Variants in DNAJB9 observed in about 807,000 individuals in gnomAD.
The protein encoded by DNAJB9 is dnaJ homolog subfamily B member 9.
In DNAJB9, 12 loss-of-function variants were observed where a neutral mutation model predicts 19.2. The observed-to-expected ratio is 0.62, with a 90% CI of 0.40 to 1.01. The LOEUF (loss-of-function observed/expected upper bound fraction) is 1.01. Ranked by LOEUF, DNAJB9 falls within the 50% of genes least tolerant of loss-of-function variation. The pLI is 0.00. For missense variants in DNAJB9, 272 were observed against 261.1 expected (o/e 1.04, Z -0.29); for synonymous variants, 83 against 84.0 (o/e 0.99, Z 0.07).
rs1469574415 is a variant in DNAJB9, at chr7:108,571,828, A to C, written c.102A>C (p.Pro34=). 1 of 1,614,096 alleles carries C rather than the reference A, an allele frequency of 6.2e-7. No homozygotes were observed. The highest frequency in any genetic ancestry group is 2.2e-5 in the East Asian group (1 of 44,898). Residue 34 remains proline, a synonymous_variant, in exon 2 of 3, where the codon CCA becomes CCC. Transcript: ENST00000249356. ...SKSYYDILGV[P]KSASERQIKK... The stretch of plus-strand genomic sequence containing the variant: ...GCTACTATGATATCTTAGGTGTGCC[A>C]AAATCGGCATCAGAGCGCCAAATCA...
chr7:108,571,160 T>G (rs554226454), intron 1 of DNAJB9, among the ~76,000 whole-genome samples: 1 of 152,298 alleles, frequency 6.6e-6, no homozygotes, highest in South Asian at 2.1e-4. Flanking sequence ...TTGTCAGTAT[T>G]AGTATTGTGA....
At chr7:108,572,133 G>A in intron 2 of DNAJB9, 190 bp downstream of exon 2, 1 of 519,996 alleles carries the variant, frequency 1.9e-6, no homozygotes, top group Non-Finnish European at 3.4e-6. Flanking sequence ...ATATATGAAA[G>A]AATAATAGAT....
Position 108,573,069 on chromosome 7 carries a change from A to G in DNAJB9, c.388A>G (p.Asn130Asp). Residue 130 changes from asparagine to aspartate, a missense_variant, in exon 3 of 3, where the codon AAC becomes GAC. Transcript: ENST00000249356. ...CTTTGGCTTTTTTGGTCAAAACCAAAACACTGGATCCAAGAAGCGTTTTGA... is the reference window on the plus strand; with the variant it reads ...CTTTGGCTTTTTTGGTCAAAACCAAGACACTGGATCCAAGAAGCGTTTTGA... Reference protein sequence around the residue: ...KDFGFFGQNQNTGSKKRFENH... With the variant: ...KDFGFFGQNQDTGSKKRFENH... 1 of 1,614,096 alleles carries G rather than the reference A, an allele frequency of 6.2e-7. No homozygotes were observed. The highest frequency in any genetic ancestry group is 1.1e-5 in the South Asian group (1 of 91,084).
At position 108,574,174 on chromosome 7, in the gene DNAJB9, T is replaced by TA. The variant is rs1790667396; in HGVS notation, c.*822dup. ...TCATCTTTATCTAGAGATTGACTGA[T>TA]ACCTCATTCTGTTTGTAAAACCAGC... On this transcript the variant is annotated 3_prime_UTR_variant, in exon 3 of 3. Coordinates refer to ENST00000249356, the MANE Select transcript of DNAJB9 (RefSeq NM_012328.3). The TA allele has an allele frequency of 2.0e-5, 3 of 152,750 alleles. No homozygotes were observed. Among genetic ancestry groups the TA allele is most frequent in the Non-Finnish European group, 4.4e-5 (3 of 68,004 alleles). 9.5% of individuals were successfully genotyped at this position (152,750 alleles called of 1,614,324 possible).
chr7:108,570,972 G>C lies in DNAJB9; in HGVS notation c.-10-745G>C, dbSNP rs536310658. 2.6e-5 allele frequency among the ~76,000 whole-genome samples: 4 copies of C among 152,296 alleles called. No individual in the cohort carries two copies. The East Asian group carries it at 7.7e-4, about 29-fold the overall frequency. On this transcript the variant is annotated intron_variant, in intron 1 of 2. Coordinates refer to ENST00000249356, the MANE Select transcript of DNAJB9 (RefSeq NM_012328.3). ...GTAAAAGAAATATTTTAACTACTGA[G>C]TTTGTGAAAGTAAGAATCTGCCTTA...
intron 1 of DNAJB9, among the ~76,000 whole-genome samples, chr7:108,571,321 T>G (rs954514648): frequency 7.9e-5 from 12 of 152,114 alleles, no homozygotes; most frequent in African/African-American, 2.9e-4. Flanking sequence ...TTCTGTGAAG[T>G]TAAATACATT....
intron 2 of DNAJB9, 55 bp from the exon 3 acceptor site, chr7:108,572,844 A>G (rs975354640): frequency 7.2e-7 from 1 of 1,392,764 alleles, no homozygotes; most frequent in Non-Finnish European, 9.8e-7. Flanking sequence ...ATTTGAATAT[A>G]TGTAATTTTG....
rs774604549 is a variant in DNAJB9, at chr7:108,571,702, T to C, written c.-10-15T>C. The C allele has an allele frequency of 3.8e-6, 6 of 1,588,028 alleles. No homozygotes were observed. Among genetic ancestry groups the C allele is most frequent in the South Asian group, 1.1e-5 (1 of 87,172 alleles). On this transcript the variant is annotated splice_polypyrimidine_tract_variant and intron_variant, in intron 1 of 2. Coordinates refer to ENST00000249356, the MANE Select transcript of DNAJB9 (RefSeq NM_012328.3). The stretch of plus-strand genomic sequence containing the variant: ...TAGCTCCATCCATAACATTTTTTTT[T>C]CTTTTCTGTTTTAGGATATTAGAAA...
chr7:108,573,436 T>C lies in DNAJB9; in HGVS notation c.*83T>C. The C allele has an allele frequency of 9.4e-7, 1 of 1,067,368 alleles. No individual in the cohort carries two copies. The highest frequency in any genetic ancestry group is 2.3e-5 in the South Asian group (1 of 43,800). The allele number at this position is 1,067,368 out of a possible 1,614,324, so 66.1% of individuals were successfully genotyped here. On this transcript the variant is annotated 3_prime_UTR_variant, in exon 3 of 3. Coordinates refer to ENST00000249356, the MANE Select transcript of DNAJB9 (RefSeq NM_012328.3). ...CTAAACAATTTTCTGTGAACTATTT[T>C]GACAAGTGCATGATTTCACTTTAAA...
chr7:108,572,972 T>G lies in DNAJB9; in HGVS notation c.291T>G (p.Gly97=). ...TTGGACACAGTGCTTTTACTAGTGG[T>G]AAAGGACAAAGAGGTAGTGGAAGTT... ...DTLGHSAFTS[G]KGQRGSGSSF... The change falls in exon 3 of 3, where the codon GGT becomes GGG. Residue 97 remains glycine (G), a synonymous_variant. Coordinates refer to ENST00000249356, the MANE Select transcript of DNAJB9 (RefSeq NM_012328.3). The G allele has an allele frequency of 6.2e-7, 1 of 1,614,100 alleles. No individual in the cohort carries two copies. Among genetic ancestry groups the G allele is most frequent in the Non-Finnish European group, 8.5e-7 (1 of 1,179,944 alleles).
chr7:108,570,370 G>T (rs1276074948), intron 1 of DNAJB9, among the ~76,000 whole-genome samples: 1 of 152,146 alleles, frequency 6.6e-6, no homozygotes, highest in African/African-American at 2.4e-5. Flanking sequence ...GGCAGGGAAA[G>T]TGCCAGTCGC....
chr7:108,572,441 AATT>A (rs1372173677), intron 2 of DNAJB9, among the ~76,000 whole-genome samples: 5 of 152,200 alleles, frequency 3.3e-5, no homozygotes, highest in African/African-American at 7.2e-5. Flanking sequence ...AGCATTCAGT[AATT>A]ATTGTTGGAT....
Position 108,570,481 on chromosome 7 carries a change from T to C in DNAJB9, c.-11+378T>C, listed in dbSNP as rs534044791. On this transcript the variant is annotated intron_variant, in intron 1 of 2. Transcript: ENST00000249356. ...GGGGCCGTCTTGGGGATGAGAAGTC[T>C]GTACAATACAAAACTAGTCTGCTAA... 2.6e-5 allele frequency among the ~76,000 whole-genome samples: 4 copies of C among 151,450 alleles called. No homozygotes were observed. In the East Asian group the frequency reaches 7.7e-4, roughly 29 times the overall value.
rs980756568 is a variant in DNAJB9, at chr7:108,573,581, G to A, written c.*228G>A. 1 of 357,266 alleles carries A rather than the reference G, an allele frequency of 2.8e-6. No homozygotes were observed. The highest frequency in any genetic ancestry group is 5.0e-6 in the Non-Finnish European group (1 of 201,610). 22.1% of individuals were successfully genotyped at this position (357,266 alleles called of 1,614,324 possible). A position where few individuals can be genotyped will look rare whatever the true frequency, so the allele number is the denominator to read the frequency against. The stretch of plus-strand genomic sequence containing the variant: ...TTAGGAAAGTTTCTTTAAAAAACAC[G>A]TAATTTTGCCTAGTGCTTTTTCTCT... On this transcript the variant is annotated 3_prime_UTR_variant, in exon 3 of 3. Transcript: ENST00000249356.
chr7:108,572,900 A>C lies in DNAJB9; in HGVS notation c.219A>C (p.Ala73=). Residue 73 remains alanine, a splice_region_variant and synonymous_variant, in exon 3 of 3, where the codon GCA becomes GCC. Coordinates refer to ENST00000249356, the MANE Select transcript of DNAJB9 (RefSeq NM_012328.3). Reference sequence around the variant, plus strand: ...TAAAAATATTTTTGTCACTTTCAGCATATGAAACACTCTCAGATGCTAATA... The same window carrying C: ...TAAAAATATTTTTGTCACTTTCAGCCTATGAAACACTCTCAGATGCTAATA... ...AEAKFREIAE[A]YETLSDANRR... 6.3e-7 allele frequency: 1 copy of C among 1,592,502 alleles called. No homozygotes were observed. Among genetic ancestry groups the C allele is most frequent in the African/African-American group, 1.3e-5 (1 of 74,130 alleles).
At position 108,573,594 on chromosome 7, in the gene DNAJB9, G is replaced by C. The variant is rs1258710202; in HGVS notation, c.*241G>C. 3.0e-6 allele frequency: 1 copy of C among 333,892 alleles called. No homozygotes were observed. Among genetic ancestry groups the C allele is most frequent in the East Asian group, 4.8e-5 (1 of 20,678 alleles). The allele number at this position is 333,892 out of a possible 1,614,324, so 20.7% of individuals were successfully genotyped here. ...TTTAAAAAACACGTAATTTTGCCTA[G>C]TGCTTTTTCTCTACCTGCCCTTGGG... is the stretch of plus-strand genomic sequence containing the variant. On this transcript the variant is annotated 3_prime_UTR_variant, in exon 3 of 3. Coordinates refer to ENST00000249356, the MANE Select transcript of DNAJB9 (RefSeq NM_012328.3).
chr7:108,572,852 T>A, intron 2 of DNAJB9, 47 bp from the exon 3 acceptor site: 1 of 1,446,644 alleles, frequency 6.9e-7, no homozygotes. Flanking sequence ...ATATGTAATT[T>A]TGAATATTTT....
intron 2 of DNAJB9, among the ~76,000 whole-genome samples, chr7:108,572,465 G>A (rs1014451168): frequency 2.0e-5 from 3 of 152,208 alleles, no homozygotes; most frequent in Admixed American, 2.0e-4. Flanking sequence ...GGAGGTAACT[G>A]AGTAGGGAGT....
intron 1 of DNAJB9, among the ~76,000 whole-genome samples, chr7:108,571,322 TA>T (rs1020258402): frequency 1.3e-5 from 2 of 152,104 alleles, no homozygotes; most frequent in African/African-American, 4.8e-5. Flanking sequence ...TCTGTGAAGT[TA>T]AATACATTAT....
Sources: gnomAD v4.1 joint callset for allele counts (sites outside exome capture counted in the v4.1 genomes callset) on GRCh38, gnomAD v4.1.1 for gene constraint, MANE v1.5 for transcripts, NCBI Gene and HGNC (gene_info 2026-07-23, HGNC 2026-07-21) for gene names.